VWDE: variants seen among roughly 807,000 people sequenced by gnomAD.
The protein encoded by VWDE is von Willebrand factor D and EGF domains.
Under a neutral mutation model 178.4 loss-of-function variants are expected in VWDE, and 207 were observed. The observed-to-expected ratio is 1.16, with a 90% CI of 1.04 to 1.30. The LOEUF (loss-of-function observed/expected upper bound fraction) is 1.30, where lower values mean the gene tolerates loss of function less well. Ranked by LOEUF, VWDE falls within the 50% of genes most tolerant of loss-of-function variation. The pLI, the probability that VWDE is intolerant of heterozygous loss-of-function variation, is 0.00. For synonymous variants in VWDE, 738 were observed against 651.4 expected, an observed-to-expected ratio of 1.13 and a Z score of -2.02; for missense variants, 2,287 against 1,901.3, an observed-to-expected ratio of 1.20 and a Z score of -3.77.
chr7:12,346,899 A>G (rs1302017959), intron 19 of VWDE, among the ~76,000 whole-genome samples: 1 of 152,140 alleles, frequency 6.6e-6, no homozygotes, highest in East Asian at 1.9e-4. Context: ...CAAAACCAGA[A>G]AAAGACAGAA....
intron 1 of VWDE, among the ~76,000 whole-genome samples, chr7:12,394,117 T>C (rs1784519605): frequency 1.3e-5 from 2 of 152,206 alleles, no homozygotes; most frequent in Non-Finnish European, 1.5e-5. Flanking sequence ...AGGATTTCTC[T>C]TGGGCCTGGT....
intron 25 of VWDE, 38 bp from the exon 26 acceptor site, chr7:12,337,121 A>G (rs909792974): frequency 6.4e-7 from 1 of 1,551,326 alleles, no homozygotes; most frequent in Non-Finnish European, 8.7e-7. Context: ...CCTTAAATTC[A>G]ACAGTTTTGT....
At position 12,403,460 on chromosome 7, in the gene VWDE, T is replaced by C. The variant is rs147473500; in HGVS notation, c.58+199A>G. ...CAACCGCATGTGCGCAAAAGAAAAG[T>C]GTAGAGTTTTCAAGCTGGAAATTGA... is the stretch of plus-strand genomic sequence containing the variant. On this transcript the variant is annotated intron_variant, in intron 1 of 28. Transcript: ENST00000275358. Among the ~76,000 whole-genome samples the C allele has an allele frequency of 6.4e-3, 974 of 152,066 alleles. 12 individuals are homozygous for C. Among genetic ancestry groups the C allele is most frequent in the African/African-American group, 0.022 (900 of 41,490 alleles).
rs1289136926 is a variant in VWDE at position 12,357,457 on chromosome 7, T to C, written c.3333A>G (p.Glu1111=). Residue 1111 remains glutamate (E), a synonymous_variant, in exon 17 of 29, where the codon GAA becomes GAG. Coordinates refer to ENST00000275358, the MANE Select transcript of VWDE (RefSeq NM_001135924.3). ...LQDKLQTFYG[E]NFEYQFVAFD... ...AGGCCACGAACTGATACTCAAAGTTTTCACCATAAAATGTCTGTAATTTGT... is the reference window on the plus strand; with the variant it reads ...AGGCCACGAACTGATACTCAAAGTTCTCACCATAAAATGTCTGTAATTTGT... 6.4e-7 allele frequency: 1 copy of C among 1,552,126 alleles called. No individual in the cohort carries two copies. Among genetic ancestry groups the C allele is most frequent in the Non-Finnish European group, 8.7e-7 (1 of 1,147,102 alleles).
intron 7 of VWDE, 94 bp from the exon 8 acceptor site, chr7:12,375,321 G>A: frequency 1.0e-6 from 1 of 990,540 alleles, no homozygotes; most frequent in Non-Finnish European, 1.5e-6. Flanking sequence ...TGAATTGTAA[G>A]ATTATTCTCA....
At chr7:12,368,887 G>A (rs963220375) in intron 12 of VWDE, among the ~76,000 whole-genome samples, 6 of 152,050 alleles carry the variant, frequency 3.9e-5, no homozygotes, top group African/African-American at 9.7e-5. Context: ...AAAAGGACAG[G>A]CAAAAATGAC....
chr7:12,378,650 T>C (rs554993283), intron 6 of VWDE, among the ~76,000 whole-genome samples: 1 of 152,282 alleles, frequency 6.6e-6, no homozygotes, highest in African/African-American at 2.4e-5. Context: ...TGCTAACCAA[T>C]GTAAACCAAA....
chr7:12,333,323 C>T (rs1013103344), intron 28 of VWDE, 142 bp downstream of exon 28: 10 of 599,414 alleles, frequency 1.7e-5, no homozygotes, highest in South Asian at 5.1e-5. Context: ...AAAAATGATA[C>T]AATTTTTAAT....
At chr7:12,376,740 A>G (rs1783548285) in intron 7 of VWDE, among the ~76,000 whole-genome samples, 1 of 152,124 alleles carries the variant, frequency 6.6e-6, no homozygotes, top group Non-Finnish European at 1.5e-5. Context: ...AATTAAAAAT[A>G]CAATGTTGCT....
At chr7:12,401,726 T>A (rs946722729) in intron 1 of VWDE, among the ~76,000 whole-genome samples, 4 of 152,120 alleles carry the variant, frequency 2.6e-5, no homozygotes, top group African/African-American at 9.7e-5. Context: ...TTGGAAAACA[T>A]CCTGGCTGTT....
intron 17 of VWDE, 38 bp downstream of exon 17, chr7:12,357,227 A>G: frequency 6.5e-7 from 1 of 1,535,502 alleles, no homozygotes; most frequent in South Asian, 1.2e-5. Flanking sequence ...TAAAATTGCA[A>G]AAGAATCCAG....
At position 12,331,441 on chromosome 7, in the gene VWDE, T is replaced by G. The variant is rs1201488259; in HGVS notation, c.4759-244A>C. On this transcript the variant is annotated intron_variant, in intron 28 of 28. Transcript: ENST00000275358. ...ATTCCATCGTGGCAAAATGTTACAC[T>G]TTAGAAACATCCATGCCCAATAAAA... Among the ~76,000 whole-genome samples, 4 of 152,268 alleles carry G rather than the reference T, an allele frequency of 2.6e-5. No homozygotes were observed. In the East Asian group the frequency reaches 7.7e-4, roughly 29 times the overall value.
chr7:12,362,794 G>T (rs1428100028), intron 13 of VWDE, among the ~76,000 whole-genome samples: 2 of 152,080 alleles, frequency 1.3e-5, no homozygotes, highest in Non-Finnish European at 2.9e-5. Context: ...ATTTAAGGGA[G>T]TATGGAGAGT....
intron 4 of VWDE, among the ~76,000 whole-genome samples, chr7:12,383,099 T>G (rs537280414): frequency 1.7e-4 from 26 of 152,176 alleles, no homozygotes; most frequent in African/African-American, 6.0e-4. Flanking sequence ...AGTGTTTATG[T>G]ATCAGAAATA....
intron 21 of VWDE, 41 bp downstream of exon 21, chr7:12,344,154 T>C: frequency 1.3e-6 from 2 of 1,502,130 alleles, no homozygotes; most frequent in African/African-American, 1.4e-5. Flanking sequence ...AATTATGCTA[T>C]ATTTTAGGCC....
chr7:12,403,683 G>A lies in VWDE; in HGVS notation c.34C>T (p.Leu12=). Reference sequence around the variant, plus strand: ...CCTTCCCCCCAGGCCAGGAACATCAGCGCGATCACCAGCACGCAGGCTCCG... The same window carrying A: ...CCTTCCCCCCAGGCCAGGAACATCAACGCGATCACCAGCACGCAGGCTCCG... ...PGGACVLVIA[L]MFLAWGEAQE... Residue 12 remains leucine, a synonymous_variant, in exon 1 of 29, where the codon CTG becomes TTG. Coordinates refer to ENST00000275358, the MANE Select transcript of VWDE (RefSeq NM_001135924.3). The A allele has an allele frequency of 1.3e-6, 2 of 1,548,178 alleles. No individual in the cohort carries two copies. Among genetic ancestry groups the A allele is most frequent in the African/African-American group, 1.4e-5 (1 of 73,160 alleles).
chr7:12,342,676 T>G (rs185962759), intron 22 of VWDE, among the ~76,000 whole-genome samples: 2 of 151,232 alleles, frequency 1.3e-5, no homozygotes, highest in Non-Finnish European at 2.9e-5. Flanking sequence ...TTTCTATTAT[T>G]ATGATTATTA....
chr7:12,374,840 C>T lies in VWDE; in HGVS notation c.1243-78G>A, dbSNP rs891317216. 1.3e-5 allele frequency: 15 copies of T among 1,156,584 alleles called. No individual in the cohort carries two copies. In the Admixed American group the frequency reaches 4.1e-4, roughly 32 times the overall value. 71.6% of individuals were successfully genotyped at this position (1,156,584 alleles called of 1,614,324 possible). A position where few individuals can be genotyped will look rare whatever the true frequency, so the allele number is the denominator to read the frequency against. On this transcript the variant is annotated intron_variant, in intron 8 of 28. Transcript: ENST00000275358. ...TATATAAAAAATTGCTTAGCAATCTCAACAAACTTTCAATTAATTATTGTT... is the reference window on the plus strand; with the variant it reads ...TATATAAAAAATTGCTTAGCAATCTTAACAAACTTTCAATTAATTATTGTT...
intron 28 of VWDE, among the ~76,000 whole-genome samples, chr7:12,332,292 G>A (rs1285702359): frequency 6.6e-6 from 1 of 152,088 alleles, no homozygotes; most frequent in African/African-American, 2.4e-5. Flanking sequence ...TTGTCCTCAT[G>A]CTTAGCCTTT....
Sources: gnomAD v4.1 joint callset for allele counts (sites outside exome capture counted in the v4.1 genomes callset) on GRCh38, gnomAD v4.1.1 for gene constraint, MANE v1.5 for transcripts, NCBI Gene and HGNC (gene_info 2026-07-23, HGNC 2026-07-21) for gene names.